The following GNA12 variants were observed in gnomAD, a reference collection of about 807,000 sequenced individuals.
The protein encoded by GNA12 is guanine nucleotide-binding protein subunit alpha-12.
A neutral mutation model predicts 26.0 loss-of-function variants in GNA12; 9 were observed. That is an observed-to-expected ratio of 0.35 (90% confidence interval 0.21 to 0.60). The LOEUF is 0.60. Ranked by LOEUF, GNA12 falls within the 20% of genes least tolerant of loss-of-function variation. The pLI is 0.78. For synonymous variants in GNA12, 264 were observed against 219.6 expected (o/e 1.20, Z -1.79); for missense variants, 405 against 525.8 (o/e 0.77, Z 2.25).
At chr7:2,738,954 G>A (rs917748093) in intron 2 of GNA12, among the ~76,000 whole-genome samples, 1 of 151,950 alleles carries the variant, frequency 6.6e-6, no homozygotes, top group South Asian at 2.1e-4. Flanking sequence ...TGGACACCTC[G>A]TCTCCAAGCC....
At chr7:2,790,947 C>T (rs1792502176) in intron 2 of GNA12, among the ~76,000 whole-genome samples, 1 of 150,066 alleles carries the variant, frequency 6.7e-6, no homozygotes. Flanking sequence ...GTACTCCGGC[C>T]TGGAAGGCAG....
At chr7:2,737,285 T>TTG (rs1790250646) in intron 2 of GNA12, among the ~76,000 whole-genome samples, 2 of 45,176 alleles carry the variant, frequency 4.4e-5, no homozygotes, top group East Asian at 8.6e-4. Context: ...TTTTTTTTTT[T>TTG]TTTGTTTTTT....
At chr7:2,763,027 C>T (rs1437670104) in intron 2 of GNA12, 1 of 1,263,388 alleles carries the variant, frequency 7.9e-7, no homozygotes, top group Non-Finnish European at 9.9e-7. Flanking sequence ...GGCCACTGGC[C>T]CAGGACTCAG....
intron 1 of GNA12, among the ~76,000 whole-genome samples, chr7:2,812,540 A>G (rs1405694208): frequency 6.6e-6 from 1 of 152,166 alleles, no homozygotes; most frequent in Non-Finnish European, 1.5e-5. Flanking sequence ...GAGGTGGGAG[A>G]ATCACTTAAA....
chr7:2,755,837 T>C (rs1159887868), intron 2 of GNA12, among the ~76,000 whole-genome samples: 1 of 152,254 alleles, frequency 6.6e-6, no homozygotes, highest in Non-Finnish European at 1.5e-5. Flanking sequence ...ACCTAAATAA[T>C]TGGAGAGTTA....
intron 2 of GNA12, among the ~76,000 whole-genome samples, chr7:2,772,099 T>TA (rs775823515): frequency 1.3e-5 from 2 of 152,200 alleles, no homozygotes; most frequent in South Asian, 2.1e-4. Flanking sequence ...TTTGTCCTTT[T>TA]AAAAAAATTG....
chr7:2,764,215 G>A (rs1460672262), intron 2 of GNA12, among the ~76,000 whole-genome samples: 1 of 151,708 alleles, frequency 6.6e-6, no homozygotes, highest in Non-Finnish European at 1.5e-5. Context: ...TGGGACCACG[G>A]GCACGTGCCA....
Position 2,733,852 on chromosome 7 carries a change from G to A in GNA12, c.526-351C>T, listed in dbSNP as rs911723974. 6.6e-5 allele frequency among the ~76,000 whole-genome samples: 10 copies of A among 152,314 alleles called. No homozygotes were observed. The South Asian group carries it at 1.9e-3, about 28-fold the overall frequency. On this transcript the variant is annotated intron_variant, in intron 2 of 3. Transcript: ENST00000275364. Reference sequence around the variant, plus strand: ...CTGGCCATGCGGCCAGCAAAGGACAGGCTAGAATAGGATTTTAGATTTTGG... The same window carrying A: ...CTGGCCATGCGGCCAGCAAAGGACAAGCTAGAATAGGATTTTAGATTTTGG...
At position 2,841,541 on chromosome 7, in the gene GNA12, C is replaced by T. The variant is rs557657090; in HGVS notation, c.309+2312G>A. Among the ~76,000 whole-genome samples, 8 of 152,278 alleles carry T rather than the reference C, an allele frequency of 5.3e-5. No homozygotes were observed. The South Asian group carries it at 1.5e-3, about 28-fold the overall frequency. On this transcript the variant is annotated intron_variant, in intron 1 of 3. Transcript: ENST00000275364. ...AGCTGGGCACCTAGTCTTCAAAGTT[C>T]ACGAAGTATCTGACCAGAGCTCTGA...
intron 2 of GNA12, chr7:2,762,557 T>C (rs757793197): frequency 7.2e-7 from 1 of 1,396,700 alleles, no homozygotes; most frequent in Non-Finnish European, 9.6e-7. Context: ...TGGAGTTAGA[T>C]CCAATGACAT....
intron 2 of GNA12, among the ~76,000 whole-genome samples, chr7:2,793,653 C>T (rs985608784): frequency 1.1e-4 from 16 of 152,042 alleles, no homozygotes; most frequent in Admixed American, 8.5e-4. Flanking sequence ...GAGGCCGAGG[C>T]GGGTGGATCA....
chr7:2,738,007 C>G (rs1329706483), intron 2 of GNA12, among the ~76,000 whole-genome samples: 1 of 152,176 alleles, frequency 6.6e-6, no homozygotes, highest in Non-Finnish European at 1.5e-5. Context: ...GATACCACAG[C>G]TGTGAAAGTA....
intron 1 of GNA12, among the ~76,000 whole-genome samples, chr7:2,797,805 T>G (rs1301391367): frequency 6.6e-6 from 1 of 152,162 alleles, no homozygotes; most frequent in Non-Finnish European, 1.5e-5. Flanking sequence ...AGACCATGCC[T>G]AGTTCTACCA....
intron 1 of GNA12, among the ~76,000 whole-genome samples, chr7:2,823,513 T>C (rs1469348394): frequency 3.3e-5 from 5 of 152,130 alleles, no homozygotes. Flanking sequence ...AGCATGCTAA[T>C]AATAACCCTC....
intron 1 of GNA12, among the ~76,000 whole-genome samples, chr7:2,812,306 G>C (rs1583301548): frequency 6.6e-6 from 1 of 152,218 alleles, no homozygotes; most frequent in African/African-American, 2.4e-5. Flanking sequence ...CACGGGCAGA[G>C]TCCTTAGGCC....
At chr7:2,819,063 G>A (rs982433436) in intron 1 of GNA12, among the ~76,000 whole-genome samples, 2 of 152,158 alleles carry the variant, frequency 1.3e-5, no homozygotes, top group South Asian at 4.1e-4. Flanking sequence ...TACCCTGCGA[G>A]CCTGATGGAG....
At chr7:2,820,419 T>TA (rs71026565) in intron 1 of GNA12, among the ~76,000 whole-genome samples, 3 of 150,756 alleles carry the variant, frequency 2.0e-5, no homozygotes, top group Non-Finnish European at 4.4e-5. Context: ...TTTTTTTTTT[T>TA]AAGCTGAGGC....
intron 2 of GNA12, among the ~76,000 whole-genome samples, chr7:2,769,734 G>GA (rs994731256): frequency 1.1e-4 from 17 of 151,874 alleles, no homozygotes; most frequent in Non-Finnish European, 2.1e-4. Context: ...CTCTGTCTCA[G>GA]AAAAAACAAA....
chr7:2,844,045 A>G lies in GNA12; in HGVS notation c.117T>C (p.Arg39=). The G allele has an allele frequency of 7.2e-7, 1 of 1,396,490 alleles. No individual in the cohort carries two copies. The highest frequency in any genetic ancestry group is 9.4e-7 in the Non-Finnish European group (1 of 1,065,214). 86.5% of individuals were successfully genotyped at this position (1,396,490 alleles called of 1,614,324 possible). The part of the protein sequence containing the change: ...ARDAEREARR[R]SRDIDALLAR... ...CCAGCAGCGCGTCGATGTCGCGGCT[A>G]CGCCTCCGGGCCTCGCGCTCCGCGT... The change falls in exon 1 of 4, where the codon CGT becomes CGC. Residue 39 remains arginine, a synonymous_variant. Transcript: ENST00000275364.
Sources: gnomAD v4.1 joint callset for allele counts (sites outside exome capture counted in the v4.1 genomes callset) on GRCh38, gnomAD v4.1.1 for gene constraint, MANE v1.5 for transcripts, NCBI Gene and HGNC (gene_info 2026-07-23, HGNC 2026-07-21) for gene names.